Variants in TBX5 observed in about 807,000 individuals in gnomAD.
TBX5 encodes T-box transcription factor TBX5.
A neutral mutation model predicts 51.1 loss-of-function variants in TBX5; 8 were observed. That is an observed-to-expected ratio of 0.16 (90% CI 0.09 to 0.28). The LOEUF (loss-of-function observed/expected upper bound fraction) is 0.28. Ranked by LOEUF, TBX5 falls within the 10% of genes least tolerant of loss-of-function variation. The pLI, the probability that TBX5 is intolerant of heterozygous loss-of-function variation, is 1.00. For synonymous variants in TBX5, 302 were observed against 266.4 expected, an observed-to-expected ratio of 1.13 and a Z score of -1.30; for missense variants, 589 against 671.7, an observed-to-expected ratio of 0.88 and a Z score of 1.36.
At chr12:114,399,954 T>C (rs1871704396) in intron 3 of TBX5, among the ~76,000 whole-genome samples, 1 of 152,200 alleles carries the variant, frequency 6.6e-6, no homozygotes, top group South Asian at 2.1e-4. Context: ...ACCGCCCTTT[T>C]CGGAGCCAGA....
upstream of TBX5, among the ~76,000 whole-genome samples, chr12:114,406,721 C>G (rs1872250638): frequency 6.6e-6 from 1 of 152,184 alleles, no homozygotes; most frequent in Non-Finnish European, 1.5e-5. Context: ...GGCCACCAGA[C>G]GTCCCCTGCT....
intron 8 of TBX5, among the ~76,000 whole-genome samples, chr12:114,363,354 A>G (rs1388473170): frequency 1.3e-5 from 2 of 152,206 alleles, no homozygotes; most frequent in South Asian, 4.1e-4. Flanking sequence ...ATGAAAGTCA[A>G]GTCATAACCT....
At chr12:114,399,687 A>C in intron 3 of TBX5, 55 bp from the exon 4 acceptor site, 1 of 1,613,238 alleles carries the variant, frequency 6.2e-7, no homozygotes, top group Non-Finnish European at 8.5e-7. Context: ...CCAGTATTTT[A>C]AGGCAGCCTC....
chr12:114,389,319 T>C (rs968708834), intron 6 of TBX5, among the ~76,000 whole-genome samples: 7 of 152,214 alleles, frequency 4.6e-5, no homozygotes, highest in African/African-American at 1.7e-4. Flanking sequence ...TGTATTCACT[T>C]GTATTTTAAG....
In TBX5 at chr12:114,399,648, G is replaced by A. The variant is rs1341692490; in HGVS notation, c.243-16C>T. ...AAACATCCGCCTAAGAGAGAGGGAC[G>A]GAGGGAGAGAGGGGGGCGGGAATTA... On this transcript the variant is annotated splice_polypyrimidine_tract_variant and intron_variant, in intron 3 of 8. Coordinates refer to ENST00000405440, the MANE Select transcript of TBX5 (RefSeq NM_181486.4). 2.7e-5 allele frequency: 43 copies of A among 1,614,072 alleles called. No individual in the cohort carries two copies. The highest frequency in any genetic ancestry group is 3.6e-5 in the Non-Finnish European group (43 of 1,179,992).
intron 7 of TBX5, among the ~76,000 whole-genome samples, chr12:114,375,676 C>A (rs751243725): frequency 6.6e-6 from 1 of 152,142 alleles, no homozygotes; most frequent in Non-Finnish European, 1.5e-5. Context: ...GGAATCCTTG[C>A]ACACTGCTGG....
At chr12:114,381,452 G>C (rs960453720) in intron 7 of TBX5, among the ~76,000 whole-genome samples, 4 of 152,166 alleles carry the variant, frequency 2.6e-5, no homozygotes, top group African/African-American at 9.7e-5. Flanking sequence ...CAACCTGGGG[G>C]TTGGGAGAAT....
chr12:114,398,739 T>G lies in TBX5; in HGVS notation c.363-19A>C. The G allele has an allele frequency of 6.3e-7, 1 of 1,591,512 alleles. No individual in the cohort carries two copies. The highest frequency in any genetic ancestry group is 8.6e-7 in the Non-Finnish European group (1 of 1,169,016). ...CACAGACCTAGATGAAGGAGAGGTG[T>G]ACTAGAGGCCTGGCTCAGAGTCTGG... On this transcript the variant is annotated intron_variant, in intron 4 of 8. Transcript: ENST00000405440.
At chr12:114,393,739 A>C (rs1895607) in intron 6 of TBX5, among the ~76,000 whole-genome samples, 149,223 of 152,220 alleles carry the variant, frequency 0.98, 73,167 homozygotes, top group East Asian at 1. Flanking sequence ...GCGACAGCAT[A>C]CCGCCCCTAC....
intron 6 of TBX5, among the ~76,000 whole-genome samples, chr12:114,389,521 G>A (rs12307270): frequency 0.036 from 5,356 of 150,466 alleles, 275 homozygotes; most frequent in African/African-American, 0.12. Flanking sequence ...TTGGGAGGCA[G>A]AGGCGGGCGG....
rs964181208 is a variant in TBX5, at chr12:114,371,589, T to G, written c.756-5198A>C. 6.7e-3 allele frequency among the ~76,000 whole-genome samples: 687 copies of G among 102,866 alleles called. 2 individuals carry two copies. Among genetic ancestry groups the G allele is most frequent in the African/African-American group, 0.023 (647 of 28,202 alleles). 67.5% of individuals were successfully genotyped at this position (102,866 alleles called of 152,430 possible). On this transcript the variant is annotated intron_variant, in intron 7 of 8. Coordinates refer to ENST00000405440, the MANE Select transcript of TBX5 (RefSeq NM_181486.4). ...CGCTGGCATGTTCAGATTTTTGTGT[T>G]TTTTTTTTTTTTTTTTTCCTGGTGA...
At chr12:114,385,410 G>T (rs564721623) in intron 7 of TBX5, 66 bp downstream of exon 7, 3 of 1,443,606 alleles carry the variant, frequency 2.1e-6, no homozygotes, top group African/African-American at 2.8e-5. Context: ...CTGGGTTGCT[G>T]CTGGCTTACC....
intron 8 of TBX5, among the ~76,000 whole-genome samples, chr12:114,360,425 T>C (rs1247703445): frequency 2.0e-5 from 3 of 147,706 alleles, no homozygotes; most frequent in South Asian, 4.4e-4. Context: ...AGTGGGAGGA[T>C]TGGTGGATGA....
At chr12:114,373,557 C>T (rs576195850) in intron 7 of TBX5, among the ~76,000 whole-genome samples, 17 of 152,266 alleles carry the variant, frequency 1.1e-4, no homozygotes, top group Non-Finnish European at 1.5e-4. Context: ...CTCTCAGGTT[C>T]AAGCGATTCT....
chr12:114,357,074 G>C (rs568918048), intron 8 of TBX5, among the ~76,000 whole-genome samples: 1 of 152,326 alleles, frequency 6.6e-6, no homozygotes, highest in African/African-American at 2.4e-5. Context: ...GAGCTTGAAT[G>C]AATGTTCAAA....
In TBX5 at chr12:114,356,005, G is replaced by C. The variant is rs765204502; in HGVS notation, c.1084C>G (p.Gln362Glu). ...SFYRSSYPQQ[Q>E]GLGASYRTES... ...GTCCTGTAGGAGGCACCCAGGCCCT[G>C]CTGCTGTGGATAGCTAGAGCGGTAG... The change falls in exon 9 of 9, where the codon CAG becomes GAG. Residue 362 changes from glutamine (Q) to glutamate (E), a missense_variant. Physicochemically the swap from Gln to Glu is conservative, Grantham distance 29. Coordinates refer to ENST00000405440, the MANE Select transcript of TBX5 (RefSeq NM_181486.4). 44 of 1,614,156 alleles carry C rather than the reference G, an allele frequency of 2.7e-5. No individual in the cohort carries two copies. The highest frequency in any genetic ancestry group is 3.6e-5 in the Non-Finnish European group (43 of 1,180,048).
At chr12:114,357,059 G>A (rs1280830846) in intron 8 of TBX5, among the ~76,000 whole-genome samples, 1 of 152,128 alleles carries the variant, frequency 6.6e-6, no homozygotes, top group East Asian at 1.9e-4. Context: ...TGGATGAGTG[G>A]GAGGGAGCTT....
chr12:114,357,473 G>A (rs150564021), intron 8 of TBX5, among the ~76,000 whole-genome samples: 37 of 152,258 alleles, frequency 2.4e-4, no homozygotes, highest in Non-Finnish European at 3.4e-4. Context: ...TAATATCTGC[G>A]TGATACCAGC....
At chr12:114,370,508 T>C (rs1471296569) in intron 7 of TBX5, among the ~76,000 whole-genome samples, 1 of 152,090 alleles carries the variant, frequency 6.6e-6, no homozygotes, top group Non-Finnish European at 1.5e-5. Context: ...TATTTTCTCA[T>C]AGTTCTGGAG....
Sources: gnomAD v4.1 joint callset for allele counts (sites outside exome capture counted in the v4.1 genomes callset) on GRCh38, gnomAD v4.1.1 for gene constraint, MANE v1.5 for transcripts, NCBI Gene and HGNC (gene_info 2026-07-23, HGNC 2026-07-21) for gene names.